Variants in NELL1 observed in about 807,000 individuals in gnomAD.
NELL1 encodes the protein protein kinase C-binding protein NELL1.
Under a neutral mutation model 107.4 loss-of-function variants are expected in NELL1, and 76 were observed. That is an observed-to-expected ratio of 0.71 (90% confidence interval 0.59 to 0.86). The LOEUF is 0.86. Ranked by LOEUF, NELL1 falls within the 40% of genes least tolerant of loss-of-function variation. The pLI, the probability that NELL1 is intolerant of heterozygous loss-of-function variation, is 0.00. For missense variants in NELL1, 1,024 were observed against 1,005.5 expected, an observed-to-expected ratio of 1.02 and a Z score of -0.25; for synonymous variants, 353 against 341.2, an observed-to-expected ratio of 1.03 and a Z score of -0.38.
At chr11:21,297,161 TAGCAAA>T (rs1397412461) in intron 14 of NELL1, among the ~76,000 whole-genome samples, 1 of 151,966 alleles carries the variant, frequency 6.6e-6, no homozygotes. Context: ...AAATCTATAA[TAGCAAA>T]GGAAGAAGCC....
At chr11:20,701,329 A>G (rs917262649) in intron 2 of NELL1, among the ~76,000 whole-genome samples, 3 of 152,070 alleles carry the variant, frequency 2.0e-5, no homozygotes, top group African/African-American at 7.3e-5. Flanking sequence ...GTCTGTTCAT[A>G]TACTTTGCCC....
At chr11:20,822,138 G>A (rs933592122) in intron 3 of NELL1, among the ~76,000 whole-genome samples, 5 of 152,188 alleles carry the variant, frequency 3.3e-5, no homozygotes, top group African/African-American at 1.2e-4. Flanking sequence ...AGAGTAGACT[G>A]AGGGTCAGGG....
chr11:21,048,665 G>A (rs933126115), intron 12 of NELL1, among the ~76,000 whole-genome samples: 2 of 152,064 alleles, frequency 1.3e-5, no homozygotes, highest in African/African-American at 2.4e-5. Flanking sequence ...CAAACCACAG[G>A]GAGACAGCCA....
chr11:21,352,464 A>G (rs1006801812), intron 14 of NELL1, among the ~76,000 whole-genome samples: 6 of 152,170 alleles, frequency 3.9e-5, no homozygotes, highest in Non-Finnish European at 7.4e-5. Context: ...AAATTCATAG[A>G]AGCATTCAAA....
rs548719488 is a variant in NELL1, at chr11:21,538,382, G to C, written c.1786+3868G>C. The stretch of plus-strand genomic sequence containing the variant: ...TTATGAGAAGAAATGTTTAAGATTT[G>C]CCTTTTTCTCTTAAAGTGTAACATA... On this transcript the variant is annotated intron_variant, in intron 16 of 19. Coordinates refer to ENST00000357134, the MANE Select transcript of NELL1 (RefSeq NM_006157.5). Among the ~76,000 whole-genome samples the C allele has an allele frequency of 2.0e-5, 3 of 152,168 alleles. No individual in the cohort carries two copies. The South Asian group carries it at 6.2e-4, about 32-fold the overall frequency.
chr11:21,310,498 A>T (rs1849728125), intron 14 of NELL1, among the ~76,000 whole-genome samples: 1 of 152,072 alleles, frequency 6.6e-6, no homozygotes, highest in Non-Finnish European at 1.5e-5. Flanking sequence ...ATCATTTCAC[A>T]TAATAGGACA....
At chr11:21,319,356 A>AT (rs1412698126) in intron 14 of NELL1, among the ~76,000 whole-genome samples, 2 of 150,768 alleles carry the variant, frequency 1.3e-5, no homozygotes, top group Non-Finnish European at 3.0e-5. Flanking sequence ...TTATTTTATT[A>AT]TTTTTTATTT....
Position 21,039,222 on chromosome 11 carries a change from G to C in NELL1, c.1301-74367G>C, listed in dbSNP as rs1041063262. On this transcript the variant is annotated intron_variant, in intron 12 of 19. Transcript: ENST00000357134. ...CTCCGAGACAGAGTCTTGCTCTGCT[G>C]TCTCCCGGGCTGGAGTGCACTGGTG... Among the ~76,000 whole-genome samples the C allele has an allele frequency of 7.2e-5, 11 of 151,784 alleles. No individual in the cohort carries two copies. The East Asian group carries it at 1.6e-3, about 21-fold the overall frequency.
intron 12 of NELL1, among the ~76,000 whole-genome samples, chr11:21,045,090 G>C (rs1853324480): frequency 6.6e-6 from 1 of 152,156 alleles, no homozygotes; most frequent in Admixed American, 6.6e-5. Flanking sequence ...AGATTATCCA[G>C]GGCAAGTAAA....
intron 15 of NELL1, among the ~76,000 whole-genome samples, chr11:21,493,005 A>T (rs1444457355): frequency 6.6e-6 from 1 of 152,146 alleles, no homozygotes; most frequent in African/African-American, 2.4e-5. Context: ...ACTAAGCATC[A>T]TGAAATGAAA....
At chr11:21,275,085 C>T (rs1190769340) in intron 14 of NELL1, among the ~76,000 whole-genome samples, 4 of 152,044 alleles carry the variant, frequency 2.6e-5, no homozygotes, top group African/African-American at 9.7e-5. Flanking sequence ...CACAAAAAAA[C>T]CCTTCAAAAA....
At chr11:20,722,711 A>C (rs1193458518) in intron 2 of NELL1, among the ~76,000 whole-genome samples, 1 of 152,198 alleles carries the variant, frequency 6.6e-6, no homozygotes, top group Non-Finnish European at 1.5e-5. Flanking sequence ...GAGTCAGAGA[A>C]ATAAAGCAGA....
intron 15 of NELL1, among the ~76,000 whole-genome samples, chr11:21,468,622 G>T (rs1854092976): frequency 6.6e-6 from 1 of 151,682 alleles, no homozygotes; most frequent in African/African-American, 2.4e-5. Flanking sequence ...ACTGGAAAGT[G>T]AAAAAAAATG....
intron 16 of NELL1, among the ~76,000 whole-genome samples, chr11:21,543,385 G>A (rs1261025403): frequency 6.6e-6 from 1 of 151,982 alleles, no homozygotes. Context: ...GAATCAGAGG[G>A]CCTCAGTTGC....
intron 13 of NELL1, among the ~76,000 whole-genome samples, chr11:21,221,972 A>T (rs1234307082): frequency 6.6e-6 from 1 of 151,854 alleles, no homozygotes; most frequent in East Asian, 1.9e-4. Context: ...GGGATTACAG[A>T]CATCAACCAC....
intron 1 of NELL1, 21 bp from the exon 2 acceptor site, chr11:20,677,911 C>T: frequency 6.2e-7 from 1 of 1,613,168 alleles, no homozygotes; most frequent in Non-Finnish European, 8.5e-7. Flanking sequence ...TAAGCCCAAA[C>T]AACTCTTTGT....
rs117184250 is a variant in NELL1 at position 21,486,579 on chromosome 11, T to C, written c.1646-47795T>C. ...CCAAAAACATGGAAAAGAAAGGAAA[T>C]ATGACACTTGGAAAGAGACACAGTA... is the stretch of plus-strand genomic sequence containing the variant. On this transcript the variant is annotated intron_variant, in intron 15 of 19. Coordinates refer to ENST00000357134, the MANE Select transcript of NELL1 (RefSeq NM_006157.5). Among the ~76,000 whole-genome samples, 194 of 151,980 alleles carry C rather than the reference T, an allele frequency of 1.3e-3. 2 individuals carry two copies. In the East Asian group the frequency reaches 0.029, roughly 23 times the overall value.
chr11:20,789,274 G>T (rs1175792070), intron 3 of NELL1, among the ~76,000 whole-genome samples: 1 of 152,228 alleles, frequency 6.6e-6, no homozygotes, highest in African/African-American at 2.4e-5. Context: ...GGGTGTGTGA[G>T]TGAGCAAGGG....
intron 16 of NELL1, among the ~76,000 whole-genome samples, chr11:21,537,309 G>T (rs1856163653): frequency 6.6e-6 from 1 of 152,014 alleles, no homozygotes; most frequent in Admixed American, 6.6e-5. Context: ...TGGCCTTCAT[G>T]GTTTTAGATG....
Sources: gnomAD v4.1 joint callset for allele counts (sites outside exome capture counted in the v4.1 genomes callset) on GRCh38, gnomAD v4.1.1 for gene constraint, MANE v1.5 for transcripts, NCBI Gene and HGNC (gene_info 2026-07-23, HGNC 2026-07-21) for gene names.